TET1: variants seen among roughly 807,000 people sequenced by gnomAD.
TET1 encodes tet methylcytosine dioxygenase 1, also known as methylcytosine dioxygenase TET1.
TET1 carries 13 observed loss-of-function variants against 148.7 expected under a neutral mutation model. The ratio of observed to expected loss-of-function variants is 0.09; its 90% CI spans 0.06 to 0.14. The LOEUF is 0.14. Ranked by LOEUF, TET1 falls within the 10% of genes least tolerant of loss-of-function variation. The pLI, the probability that TET1 is intolerant of heterozygous loss-of-function variation, is 1.00. For missense variants in TET1, 2,182 were observed against 2,553.8 expected (o/e 0.85, Z 3.14); for synonymous variants, 907 against 937.2 (o/e 0.97, Z 0.59).
At chr10:68,640,244 C>T (rs977421914) in intron 3 of TET1, among the ~76,000 whole-genome samples, 4 of 150,068 alleles carry the variant, frequency 2.7e-5, no homozygotes, top group South Asian at 4.2e-4. Context: ...TATTTTATAG[C>T]GGAAGACTTT....
intron 7 of TET1, among the ~76,000 whole-genome samples, chr10:68,671,543 A>C (rs1159867326): frequency 6.6e-6 from 1 of 152,208 alleles, no homozygotes; most frequent in African/African-American, 2.4e-5. Flanking sequence ...AGAACGATTT[A>C]TACTCCTTTG....
chr10:68,656,727 T>C (rs1667723169), intron 6 of TET1, among the ~76,000 whole-genome samples: 1 of 152,222 alleles, frequency 6.6e-6, no homozygotes, highest in Admixed American at 6.5e-5. Flanking sequence ...TATGGCTATT[T>C]AGAAAATGTA....
intron 6 of TET1, among the ~76,000 whole-genome samples, chr10:68,662,171 C>T (rs2055129805): frequency 6.6e-6 from 1 of 151,658 alleles, no homozygotes; most frequent in Non-Finnish European, 1.5e-5. Flanking sequence ...TGTGCCCTGC[C>T]CTAATTTTTG....
intron 8 of TET1, 102 bp downstream of exon 8, chr10:68,673,147 T>G (rs1232669361): frequency 4.5e-6 from 4 of 895,762 alleles, no homozygotes; most frequent in Non-Finnish European, 4.7e-6. Flanking sequence ...AAACTAAATA[T>G]TGAAAAGTAG....
intron 2 of TET1, among the ~76,000 whole-genome samples, chr10:68,592,755 G>A (rs1400813439): frequency 6.6e-6 from 1 of 152,118 alleles, no homozygotes; most frequent in Non-Finnish European, 1.5e-5. Flanking sequence ...TTGGGTTTCA[G>A]TGGGAAATAT....
intron 6 of TET1, 28 bp downstream of exon 6, chr10:68,652,622 T>C: frequency 6.7e-7 from 1 of 1,494,122 alleles, no homozygotes; most frequent in Non-Finnish European, 9.3e-7. Flanking sequence ...ATACATTTTT[T>C]TGAAGCTTGT....
Position 68,573,336 on chromosome 10 carries a change from G to T in TET1, c.998G>T (p.Gly333Val), listed in dbSNP as rs752552795. 8.7e-6 allele frequency: 14 copies of T among 1,613,874 alleles called. No homozygotes were observed. Among genetic ancestry groups the T allele is most frequent in the Non-Finnish European group, 1.2e-5 (14 of 1,180,008 alleles). ...TCTGTAATAAAATTCCTCTTGGCAG[G>T]CTCAAAACAAGCGACCCTTGGTGCT... ...PTSVIKFLLA[G>V]SKQATLGAKP... is the part of the protein sequence containing the mutation. Residue 333 changes from glycine (G) to valine (V), a missense_variant, in exon 2 of 12, where the codon GGC becomes GTC. By Grantham distance (109) the Gly-to-Val change is moderately radical. Transcript: ENST00000373644.
At chr10:68,631,418 TTTG>T (rs1275870946) in intron 3 of TET1, among the ~76,000 whole-genome samples, 1 of 148,866 alleles carries the variant, frequency 6.7e-6, no homozygotes, top group Non-Finnish European at 1.5e-5. Context: ...CCCAGAAGAT[TTTG>T]TTTTCTTTCT....
intron 8 of TET1, among the ~76,000 whole-genome samples, chr10:68,675,760 T>C (rs1000036299): frequency 1.3e-5 from 2 of 152,058 alleles, no homozygotes; most frequent in Non-Finnish European, 2.9e-5. Flanking sequence ...TGGCCCTCTC[T>C]GGCTGTTCAA....
At chr10:68,657,521 C>G (rs952169258) in intron 6 of TET1, among the ~76,000 whole-genome samples, 1 of 152,098 alleles carries the variant, frequency 6.6e-6, no homozygotes, top group African/African-American at 2.4e-5. Flanking sequence ...CACCTGTGGT[C>G]CCAGCTACTC....
chr10:68,587,167 T>C (rs554276122), intron 2 of TET1, among the ~76,000 whole-genome samples: 41 of 152,312 alleles, frequency 2.7e-4, no homozygotes, highest in African/African-American at 8.7e-4. Context: ...TGAGAGGGTT[T>C]TGGTGTTTCT....
At chr10:68,647,158 G>C (rs2054863025) in intron 4 of TET1, among the ~76,000 whole-genome samples, 153 bp downstream of exon 4, 1 of 151,982 alleles carries the variant, frequency 6.6e-6, no homozygotes, top group African/African-American at 2.4e-5. Context: ...CCATTTTTCT[G>C]TGGGAACTTT....
intron 10 of TET1, among the ~76,000 whole-genome samples, chr10:68,684,657 C>T (rs1366730996): frequency 2.6e-5 from 4 of 152,110 alleles, no homozygotes; most frequent in East Asian, 1.9e-4. Context: ...GGGTCTTATC[C>T]GGAACTTGAC....
chr10:68,584,965 C>T (rs10998307), intron 2 of TET1, among the ~76,000 whole-genome samples: 20,080 of 151,430 alleles, frequency 0.13, 1,725 homozygotes, highest in South Asian at 0.24. Flanking sequence ...GGACTACAGG[C>T]GCCTGCCACC....
rs758581825 is a variant in TET1, at chr10:68,645,312, T to C, written c.2583T>C (p.Asn861=). Residue 861 remains asparagine (N), a synonymous_variant, in exon 4 of 12, where the codon AAT becomes AAC. Coordinates refer to ENST00000373644, the MANE Select transcript of TET1 (RefSeq NM_030625.3). Reference sequence around the variant, plus strand: ...GTGATCAACCAAAAACTCCTGAGAATATACCAAGTAAAGAACCAAAAGATG... The same window carrying C: ...GTGATCAACCAAAAACTCCTGAGAACATACCAAGTAAAGAACCAAAAGATG... ...NEGDQPKTPE[N]IPSKEPKDGS... is the part of the protein sequence containing the mutation. 20 of 1,613,996 alleles carry C rather than the reference T, an allele frequency of 1.2e-5. No homozygotes were observed. Among genetic ancestry groups the C allele is most frequent in the Admixed American group, 8.3e-5 (5 of 59,998 alleles).
chr10:68,645,136 GC>G lies in TET1; in HGVS notation c.2408del (p.Ala803ValfsTer2). The stretch of plus-strand genomic sequence containing the variant: ...AAAAGACACTGCAAACCATAAAAAC[GC>G]TATGAGCTCTGTTGCTACTGATATG... Reference protein sequence around the residue: ...FLKDTANHKNAMSSVATDMSC... With the variant: ...FLKDTANHKNXMSSVATDMSC... On this transcript the variant is annotated frameshift_variant, in exon 4 of 12. Transcript: ENST00000373644. LOFTEE classifies it high-confidence loss of function. 6.2e-7 allele frequency: 1 copy of G among 1,613,874 alleles called. No homozygotes were observed. Among genetic ancestry groups the G allele is most frequent in the Non-Finnish European group, 8.5e-7 (1 of 1,179,814 alleles).
rs187190063 is a variant in TET1 at position 68,609,797 on chromosome 10, T to C, written c.1968+8763T>C. On this transcript the variant is annotated intron_variant, in intron 3 of 11. Transcript: ENST00000373644. ...AATATTTCATTTATTTATTTTTAAA[T>C]ATTTTATATACATATACACCATATC... Among the ~76,000 whole-genome samples the C allele has an allele frequency of 1.3e-3, 205 of 152,228 alleles. 1 individual carries two copies. The highest frequency in any genetic ancestry group is 4.7e-3 in the African/African-American group (194 of 41,556).
At chr10:68,633,524 G>A (rs1040180706) in intron 3 of TET1, among the ~76,000 whole-genome samples, 22 of 152,204 alleles carry the variant, frequency 1.4e-4, no homozygotes, top group African/African-American at 4.6e-4. Flanking sequence ...TGGGACGGCA[G>A]GCATGCATCA....
In TET1 at chr10:68,655,749, C is replaced by G. The variant is rs148357053; in HGVS notation, c.4461+3155C>G. Among the ~76,000 whole-genome samples, 1,379 of 152,148 alleles carry G rather than the reference C, an allele frequency of 9.1e-3. 11 individuals carry two copies. Among genetic ancestry groups the G allele is most frequent in the South Asian group, 0.015 (71 of 4,824 alleles). ...ACTTTCTATTAGTATTTTTCCCTAG[C>G]GAAATTTTATTTGTTTTGGATATCT... is the stretch of plus-strand genomic sequence containing the variant. On this transcript the variant is annotated intron_variant, in intron 6 of 11. Coordinates refer to ENST00000373644, the MANE Select transcript of TET1 (RefSeq NM_030625.3).
Sources: gnomAD v4.1 joint callset for allele counts (sites outside exome capture counted in the v4.1 genomes callset) on GRCh38, gnomAD v4.1.1 for gene constraint, MANE v1.5 for transcripts, NCBI Gene and HGNC (gene_info 2026-07-23, HGNC 2026-07-21) for gene names.